LAMB4: variants seen among roughly 807,000 people sequenced by gnomAD.
The protein encoded by LAMB4 is laminin subunit beta 4.
LAMB4 carries 196 observed loss-of-function variants against 199.2 expected under a neutral mutation model. The observed-to-expected ratio is 0.98, with a 90% confidence interval of 0.88 to 1.11. LAMB4 has a LOEUF of 1.11. Among genes scored for constraint, LAMB4 ranks in the 50% least tolerant of loss-of-function variants. LAMB4 has a pLI of 0.00. For missense variants in LAMB4, 2,080 were observed against 2,171.2 expected (o/e 0.96, Z 0.83); for synonymous variants, 744 against 770.6 (o/e 0.97, Z 0.57).
At chr7:108,109,287 G>C in intron 4 of LAMB4, 43 bp from the exon 5 acceptor site, 1 of 1,383,098 alleles carries the variant, frequency 7.2e-7, no homozygotes, top group Non-Finnish European at 1.0e-6. Flanking sequence ...GATTTTGAGA[G>C]ACTTCTGCTT....
intron 10 of LAMB4, among the ~76,000 whole-genome samples, chr7:108,100,327 T>G (rs2037772411): frequency 6.6e-6 from 1 of 152,228 alleles, no homozygotes; most frequent in Non-Finnish European, 1.5e-5. Context: ...TCAACTCTTA[T>G]GCCTGGAATC....
chr7:108,066,562 A>T lies in LAMB4; in HGVS notation c.2485T>A (p.Cys829Ser), dbSNP rs200608084. 2.3e-4 allele frequency: 365 copies of T among 1,613,170 alleles called. No homozygotes were observed. Among genetic ancestry groups the T allele is most frequent in the Non-Finnish European group, 2.9e-4 (342 of 1,179,646 alleles). Residue 829 changes from cysteine to serine, a missense_variant, in exon 20 of 34, where the codon TGT (cysteine) becomes AGT (serine). Transcript: ENST00000388781. ...GGGCACTGTCCTGTTACTTGGTCAC[A>T]TACAGTGTCCTTTGATCCTTGAGGA... ...CHPQGSKDTV[C>S]DQVTGQCPCH...
At chr7:108,082,812 A>G (rs2037006753) in intron 14 of LAMB4, among the ~76,000 whole-genome samples, 2 of 152,204 alleles carry the variant, frequency 1.3e-5, no homozygotes, top group Non-Finnish European at 2.9e-5. Flanking sequence ...GGTCATCCTC[A>G]GAGTGCCACT....
intron 9 of LAMB4, 74 bp from the exon 10 acceptor site, chr7:108,103,306 AG>A: frequency 8.0e-7 from 1 of 1,247,970 alleles, no homozygotes. Flanking sequence ...CGCACTGGTC[AG>A]GGCACCCGCT....
chr7:108,049,433 T>G lies in LAMB4; in HGVS notation c.4015A>C (p.Arg1339=), dbSNP rs767051658. The G allele has an allele frequency of 7.9e-5, 126 of 1,591,334 alleles. No homozygotes were observed. The highest frequency in any genetic ancestry group is 1.1e-4 in the Non-Finnish European group (122 of 1,160,492). Reference sequence around the variant, plus strand: ...TCTAAGATGGTAAGTAAGTCATTCCTTGTATTTGCAGAGGTATTAATGGTG... The same window carrying G: ...TCTAAGATGGTAAGTAAGTCATTCCGTGTATTTGCAGAGGTATTAATGGTG... The part of the protein sequence containing the change: ...SSTINTSANT[R]NDLLTILDTL... Residue 1339 remains arginine (R), a synonymous_variant, in exon 27 of 34, where the codon AGG becomes CGG. Transcript: ENST00000388781.
intron 3 of LAMB4, among the ~76,000 whole-genome samples, chr7:108,114,396 G>GCTA (rs1407719253): frequency 6.6e-6 from 1 of 152,106 alleles, no homozygotes; most frequent in Non-Finnish European, 1.5e-5. Context: ...CTGTGATCAT[G>GCTA]CTACTGCATG....
the LAMB4 span, among the ~76,000 whole-genome samples, chr7:108,011,733 A>T: frequency 6.6e-6 from 1 of 152,088 alleles, no homozygotes; most frequent in Non-Finnish European, 1.5e-5. Context: ...CTCATTCTTT[A>T]GCAAGCAATT....
At chr7:108,037,044 A>C (rs1476158990) in intron 30 of LAMB4, among the ~76,000 whole-genome samples, 1 of 152,060 alleles carries the variant, frequency 6.6e-6, no homozygotes, top group Non-Finnish European at 1.5e-5. Flanking sequence ...CCAAACATAG[A>C]TAAATAAGGG....
chr7:108,037,383 C>T lies in LAMB4; in HGVS notation c.4679+5G>A. The T allele has an allele frequency of 6.2e-7, 1 of 1,607,936 alleles. No individual in the cohort carries two copies. Among genetic ancestry groups the T allele is most frequent in the Non-Finnish European group, 8.5e-7 (1 of 1,174,506 alleles). ...GCAAGATAAGAATATTAATACAGTA[C>T]TTACTCAGCTGCTTTGGCCTTCACC... On this transcript the variant is annotated splice_donor_5th_base_variant and intron_variant, in intron 30 of 33. Transcript: ENST00000388781.
In LAMB4 at chr7:108,092,319, A is replaced by T. The variant is rs1262995625; in HGVS notation, c.1550+18T>A. 6.3e-7 allele frequency: 1 copy of T among 1,591,116 alleles called. No individual in the cohort carries two copies. Among genetic ancestry groups the T allele is most frequent in the Non-Finnish European group, 8.6e-7 (1 of 1,159,280 alleles). ...ATGTTTAAATAAGGAATATTGCTAT[A>T]AAACTTATTTGACTTACACGTTAGA... On this transcript the variant is annotated intron_variant, in intron 13 of 33. Transcript: ENST00000388781.
At chr7:108,109,282 TGAGAGA>T in intron 4 of LAMB4, 38 bp from the exon 5 acceptor site, 1 of 1,437,968 alleles carries the variant, frequency 7.0e-7, no homozygotes, top group Non-Finnish European at 9.8e-7. Context: ...TCAGTGATTT[TGAGAGA>T]CTTCTGCTTA....
chr7:108,080,746 G>T (rs1300713882), intron 14 of LAMB4, among the ~76,000 whole-genome samples: 1 of 151,908 alleles, frequency 6.6e-6, no homozygotes, highest in African/African-American at 2.4e-5. Flanking sequence ...ATAAGAAATT[G>T]TGCTGTCAGA....
chr7:108,102,409 A>G (rs1358465822), intron 10 of LAMB4, among the ~76,000 whole-genome samples: 1 of 152,164 alleles, frequency 6.6e-6, no homozygotes, highest in Non-Finnish European at 1.5e-5. Context: ...AAAAATCATG[A>G]TAATGCAAAA....
intron 31 of LAMB4, 121 bp from the exon 32 acceptor site, chr7:108,031,100 A>G: frequency 1.6e-6 from 1 of 629,330 alleles, no homozygotes; most frequent in Admixed American, 3.3e-5. Context: ...TAGTGCCTCC[A>G]CTTTTTCTGT....
At chr7:108,116,586 C>T (rs2038416135) in intron 2 of LAMB4, among the ~76,000 whole-genome samples, 1 of 152,156 alleles carries the variant, frequency 6.6e-6, no homozygotes, top group African/African-American at 2.4e-5. Flanking sequence ...CAAAACAAAA[C>T]TCTTTAATGT....
Position 108,107,736 on chromosome 7 carries a change from G to A in LAMB4, c.486C>T (p.Asp162=). 6.2e-7 allele frequency: 1 copy of A among 1,613,840 alleles called. No individual in the cohort carries two copies. The highest frequency in any genetic ancestry group is 8.5e-7 in the Non-Finnish European group (1 of 1,179,868). Residue 162 remains aspartate, a synonymous_variant, in exon 6 of 34, where the codon GAC becomes GAT. Coordinates refer to ENST00000388781, the MANE Select transcript of LAMB4 (RefSeq NM_007356.3). ...NWKVFKYFAK[D]CATSFPNITS... ...TGATGTTAGGAAAGGAAGTGGCACA[G>A]TCTTTTGCAAAATATTTGAACACTT...
intron 1 of LAMB4, among the ~76,000 whole-genome samples, chr7:108,126,754 G>A (rs2038802158): frequency 6.7e-6 from 1 of 148,992 alleles, no homozygotes; most frequent in African/African-American, 2.5e-5. Context: ...ATTTTTAGTA[G>A]AGACGGGGTT....
At chr7:108,125,819 C>T (rs2038760001) in intron 1 of LAMB4, among the ~76,000 whole-genome samples, 1 of 152,226 alleles carries the variant, frequency 6.6e-6, no homozygotes, top group Non-Finnish European at 1.5e-5. Flanking sequence ...GGGAACAAAG[C>T]TTCCTCAGTA....
intron 12 of LAMB4, among the ~76,000 whole-genome samples, chr7:108,093,480 G>C (rs764173602): frequency 4.6e-5 from 7 of 152,194 alleles, no homozygotes; most frequent in Admixed American, 2.6e-4. Context: ...CTAATTTTGA[G>C]ATATTACATG....
Sources: allele counts gnomAD v4.1 joint callset (sites outside exome capture counted in the v4.1 genomes callset), GRCh38; gene constraint gnomAD v4.1.1; transcripts MANE v1.5; gene names NCBI Gene and HGNC (gene_info 2026-07-23, HGNC 2026-07-21).